FAM229B: variants seen among roughly 807,000 people sequenced by gnomAD.
FAM229B encodes protein FAM229B.
A neutral mutation model predicts 6.7 loss-of-function variants in FAM229B; 2 were observed. The observed-to-expected ratio is 0.30, with a 90% CI of 0.12 to 0.94. The LOEUF (loss-of-function observed/expected upper bound fraction) is 0.94. FAM229B is among the 40% of genes least tolerant of loss of function. The pLI, the probability that FAM229B is intolerant of heterozygous loss-of-function variation, is 0.54. For synonymous variants in FAM229B, 29 were observed against 34.0 expected, an observed-to-expected ratio of 0.85 and a Z score of 0.51; for missense variants, 93 against 96.2, an observed-to-expected ratio of 0.97 and a Z score of 0.14.
chr6:112,100,817 T>C lies in FAM229B; in HGVS notation c.*30T>C. Reference sequence around the variant, plus strand: ...ATTAAGTCTTTTGTCAAGGTCTGACTAGGTCAAGGGTAATGGACCAGTATC... The same window carrying C: ...ATTAAGTCTTTTGTCAAGGTCTGACCAGGTCAAGGGTAATGGACCAGTATC... On this transcript the variant is annotated 3_prime_UTR_variant, in exon 4 of 4. Coordinates refer to ENST00000368656, the MANE Select transcript of FAM229B (RefSeq NM_001033564.3). The C allele has an allele frequency of 6.6e-7, 1 of 1,524,840 alleles. No homozygotes were observed. Among genetic ancestry groups the C allele is most frequent in the South Asian group, 1.1e-5 (1 of 89,204 alleles). 94.5% of individuals were successfully genotyped at this position (1,524,840 alleles called of 1,614,324 possible). A position where few individuals can be genotyped will look rare whatever the true frequency, so the allele number is the denominator to read the frequency against.
At chr6:112,088,159 G>C (rs1472789828) in intron 1 of FAM229B, among the ~76,000 whole-genome samples, 1 of 152,302 alleles carries the variant, frequency 6.6e-6, no homozygotes, top group African/African-American at 2.4e-5. Context: ...TTAAAGAATT[G>C]TGTGGCGTTG....
chr6:112,102,009 G>A lies in FAM229B; in HGVS notation c.*1222G>A, dbSNP rs1777404667. The A allele has an allele frequency of 6.6e-6, 1 of 152,178 alleles. No homozygotes were observed. Among genetic ancestry groups the A allele is most frequent in the African/African-American group, 2.4e-5 (1 of 41,454 alleles). The allele number at this position is 152,178 out of a possible 1,614,324, so 9.4% of individuals were successfully genotyped here. On this transcript the variant is annotated 3_prime_UTR_variant, in exon 4 of 4. Coordinates refer to ENST00000368656, the MANE Select transcript of FAM229B (RefSeq NM_001033564.3). ...AACTGGAGCTAGACTAAAGGCTAAT[G>A]TATACCAATTTTAAGAAAGCTTAAA... is the stretch of plus-strand genomic sequence containing the variant.
At chr6:112,088,027 G>T (rs188835354) in intron 1 of FAM229B, among the ~76,000 whole-genome samples, 144 of 152,346 alleles carry the variant, frequency 9.5e-4, no homozygotes, top group Admixed American at 8.5e-3. Flanking sequence ...ACCAGTATTT[G>T]TTGAACGCTG....
chr6:112,096,656 T>A (rs1472042349), intron 1 of FAM229B, among the ~76,000 whole-genome samples: 1 of 150,936 alleles, frequency 6.6e-6, no homozygotes, highest in African/African-American at 2.4e-5. Context: ...GAAAAAAAAA[T>A]AAAGTTAGTC....
At chr6:112,096,512 C>T (rs1777327867) in intron 1 of FAM229B, among the ~76,000 whole-genome samples, 1 of 152,058 alleles carries the variant, frequency 6.6e-6, no homozygotes, top group Admixed American at 6.5e-5. Context: ...GCCAAGATAG[C>T]ACCACTGCAC....
chr6:112,089,791 G>A (rs1554318003), intron 1 of FAM229B, among the ~76,000 whole-genome samples: 1 of 152,068 alleles, frequency 6.6e-6, no homozygotes, highest in African/African-American at 2.4e-5. Context: ...TAATATGTAT[G>A]AAGGAGACAA....
intron 1 of FAM229B, among the ~76,000 whole-genome samples, chr6:112,091,246 T>A (rs781921381): frequency 3.5e-4 from 53 of 152,092 alleles, no homozygotes; most frequent in Non-Finnish European, 6.2e-4. Flanking sequence ...CTTTATCTGT[T>A]TCTTTATTTG....
intron 1 of FAM229B, among the ~76,000 whole-genome samples, chr6:112,090,372 C>G (rs1554318057): frequency 6.6e-6 from 1 of 152,152 alleles, no homozygotes; most frequent in Non-Finnish European, 1.5e-5. Context: ...CAGAGTTTTC[C>G]AAAGATTTTT....
intron 1 of FAM229B, among the ~76,000 whole-genome samples, chr6:112,094,503 T>C (rs931052653): frequency 6.6e-6 from 1 of 152,084 alleles, no homozygotes; most frequent in African/African-American, 2.4e-5. Flanking sequence ...ACTGTGTCAA[T>C]GTTTTTGTCT....
At chr6:112,093,772 T>C (rs587722227) in intron 1 of FAM229B, among the ~76,000 whole-genome samples, 2 of 151,778 alleles carry the variant, frequency 1.3e-5, no homozygotes, top group South Asian at 2.1e-4. Context: ...TAGCAGCATA[T>C]ACATTCAAGT....
At chr6:112,098,261 G>A (rs1777352306) in intron 2 of FAM229B, among the ~76,000 whole-genome samples, 1 of 152,208 alleles carries the variant, frequency 6.6e-6, no homozygotes, top group South Asian at 2.1e-4. Context: ...TTAATGGATT[G>A]CATTGGCCAT....
rs1404038126 is a variant in FAM229B, at chr6:112,101,524, A to AT, written c.*743dup. 6.6e-6 allele frequency: 1 copy of AT among 152,110 alleles called. No homozygotes were observed. Among genetic ancestry groups the AT allele is most frequent in the Non-Finnish European group, 1.5e-5 (1 of 68,030 alleles). The allele number at this position is 152,110 out of a possible 1,614,324, so 9.4% of individuals were successfully genotyped here. The stretch of plus-strand genomic sequence containing the variant: ...GTAGGTATTGAGAAACCTCATGTGG[A>AT]TTTTTTAATTTGGTTAGATGTGGGA... On this transcript the variant is annotated 3_prime_UTR_variant, in exon 4 of 4. Transcript: ENST00000368656.
At chr6:112,096,149 G>A (rs1184066803) in intron 1 of FAM229B, among the ~76,000 whole-genome samples, 1 of 152,124 alleles carries the variant, frequency 6.6e-6, no homozygotes, top group Non-Finnish European at 1.5e-5. Context: ...TTCATGAGGT[G>A]GGCTATTGAT....
intron 2 of FAM229B, among the ~76,000 whole-genome samples, chr6:112,098,722 A>G (rs1562611446): frequency 6.6e-6 from 1 of 152,266 alleles, no homozygotes; most frequent in Non-Finnish European, 1.5e-5. Flanking sequence ...CTCCAAAGGA[A>G]GAGAAGGGCA....
intron 1 of FAM229B, among the ~76,000 whole-genome samples, chr6:112,090,485 T>A (rs1212484528): frequency 5.3e-5 from 8 of 152,218 alleles, no homozygotes; most frequent in African/African-American, 1.9e-4. Context: ...TGGTGACTTA[T>A]ATTTTAGATT....
intron 1 of FAM229B, among the ~76,000 whole-genome samples, chr6:112,093,557 G>T (rs587600948): frequency 1.3e-5 from 2 of 152,196 alleles, no homozygotes; most frequent in South Asian, 4.1e-4. Context: ...AACTATAGCA[G>T]CATGTACATT....
chr6:112,093,773 A>G (rs1169313909), intron 1 of FAM229B, among the ~76,000 whole-genome samples: 2 of 152,112 alleles, frequency 1.3e-5, no homozygotes, highest in Non-Finnish European at 2.9e-5. Flanking sequence ...AGCAGCATAT[A>G]CATTCAAGTA....
At chr6:112,097,506 T>C (rs1777342376) in intron 2 of FAM229B, among the ~76,000 whole-genome samples, 1 of 152,228 alleles carries the variant, frequency 6.6e-6, no homozygotes, top group Non-Finnish European at 1.5e-5. Context: ...ATACATTGTA[T>C]ACTAATAGTT....
chr6:112,094,032 A>T (rs967868024), intron 1 of FAM229B, among the ~76,000 whole-genome samples: 1 of 152,142 alleles, frequency 6.6e-6, no homozygotes, highest in Admixed American at 6.5e-5. Flanking sequence ...CAAAATTAAA[A>T]AATTTGTGGA....
Sources: allele counts gnomAD v4.1 joint callset (sites outside exome capture counted in the v4.1 genomes callset), GRCh38; gene constraint gnomAD v4.1.1; transcripts MANE v1.5; gene names NCBI Gene and HGNC (gene_info 2026-07-23, HGNC 2026-07-21).